RNF220: variants seen among roughly 807,000 people sequenced by gnomAD.
RNF220 encodes ring finger protein 220, also known as E3 ubiquitin-protein ligase RNF220.
A neutral mutation model predicts 67.1 loss-of-function variants in RNF220; 7 were observed. That is an observed-to-expected ratio of 0.10 (90% CI 0.06 to 0.20). RNF220 has a LOEUF of 0.20. Among genes scored for constraint, RNF220 ranks in the 10% least tolerant of loss-of-function variants. The pLI, the probability that RNF220 is intolerant of heterozygous loss-of-function variation, is 1.00. For missense variants in RNF220, 565 were observed against 740.3 expected, an observed-to-expected ratio of 0.76 and a Z score of 2.75; for synonymous variants, 270 against 283.2, an observed-to-expected ratio of 0.95 and a Z score of 0.47.
At chr1:44,439,697 A>G (rs1055367373) in intron 2 of RNF220, among the ~76,000 whole-genome samples, 11 of 152,064 alleles carry the variant, frequency 7.2e-5, no homozygotes, top group Non-Finnish European at 2.9e-5. Flanking sequence ...GGCCACTTCT[A>G]ATGAATCCCT....
chr1:44,632,303 C>G (rs968988007), intron 5 of RNF220, 40 bp from the exon 6 acceptor site: 2 of 1,614,036 alleles, frequency 1.2e-6, no homozygotes, highest in Admixed American at 1.7e-5. Flanking sequence ...GCCTGACGCT[C>G]TCTTTTCTTT....
At chr1:44,483,314 G>T (rs1019249357) in intron 2 of RNF220, among the ~76,000 whole-genome samples, 2 of 152,138 alleles carry the variant, frequency 1.3e-5, no homozygotes, top group Non-Finnish European at 2.9e-5. Context: ...CTTGCTCAAT[G>T]TCAGAAGCCC....
At chr1:44,637,640 A>G (rs1286376485) in intron 8 of RNF220, among the ~76,000 whole-genome samples, 2 of 152,242 alleles carry the variant, frequency 1.3e-5, no homozygotes, top group East Asian at 3.8e-4. Context: ...TAAAGCTGCA[A>G]AGGGCCTGCT....
In RNF220 at chr1:44,626,407, G is replaced by T. The variant is rs913818206; in HGVS notation, c.906+9G>T. ...ATTCAGACAGATACCAGGTGAGGAG[G>T]GGTGGTGAGTGGCCATGAGAAGCAA... On this transcript the variant is annotated intron_variant, in intron 5 of 14. Transcript: ENST00000361799. 1 of 1,610,440 alleles carries T rather than the reference G, an allele frequency of 6.2e-7. No individual in the cohort carries two copies. Among genetic ancestry groups the T allele is most frequent in the African/African-American group, 1.3e-5 (1 of 74,944 alleles).
Position 44,527,925 on chromosome 1 carries a change from C to CAAAAAAAAAAAAAAAAAAAAA in RNF220, c.626-86234_626-86214dup, listed in dbSNP as rs56409207. 1.8e-4 allele frequency among the ~76,000 whole-genome samples: 10 copies of CAAAAAAAAAAAAAAAAAAAAA among 56,206 alleles called. 3 individuals carry two copies. Among genetic ancestry groups the CAAAAAAAAAAAAAAAAAAAAA allele is most frequent in the African/African-American group, 3.1e-4 (3 of 9,834 alleles). The allele number at this position is 56,206 out of a possible 152,430, so 36.9% of individuals were successfully genotyped here. On this transcript the variant is annotated intron_variant, in intron 2 of 14. Coordinates refer to ENST00000361799, the MANE Select transcript of RNF220 (RefSeq NM_018150.4). ...TGGGTGACAGAGCAAGACTCCATCC[C>CAAAAAAAAAAAAAAAAAAAAA]AAAAAAAAAAAAAAAAAAAAAAAAA...
intron 2 of RNF220, among the ~76,000 whole-genome samples, chr1:44,569,157 TCTCC>T (rs1433589897): frequency 3.1e-4 from 47 of 152,238 alleles, no homozygotes; most frequent in Non-Finnish European, 6.5e-4. Context: ...AAATGCACTG[TCTCC>T]CCAAGGGAGA....
At chr1:44,442,929 C>A (rs1651713887) in intron 2 of RNF220, among the ~76,000 whole-genome samples, 1 of 152,156 alleles carries the variant, frequency 6.6e-6, no homozygotes, top group South Asian at 2.1e-4. Context: ...AAGTTAGGAA[C>A]CCTCCCTGTT....
At chr1:44,409,269 A>G (rs925097509) in intron 1 of RNF220, among the ~76,000 whole-genome samples, 1 of 149,982 alleles carries the variant, frequency 6.7e-6, no homozygotes, top group Non-Finnish European at 1.5e-5. Flanking sequence ...TTAACTCAAT[A>G]TTTGTTGGTC....
chr1:44,645,636 C>T lies in RNF220; in HGVS notation c.1445+148C>T. ...CCTGGGCACACGGCCGGCAGTGGAG[C>T]CCAGCTGGTGCTAAGCGTGACTCTG... On this transcript the variant is annotated intron_variant, in intron 12 of 14. Coordinates refer to ENST00000361799, the MANE Select transcript of RNF220 (RefSeq NM_018150.4). This position sits in a 1 kb window ranked among gnomAD's most constrained non-coding sequence, Gnocchi z 5.0. 2 of 747,496 alleles carry T rather than the reference C, an allele frequency of 2.7e-6. No homozygotes were observed. The highest frequency in any genetic ancestry group is 4.5e-6 in the Non-Finnish European group (2 of 447,714). 46.3% of individuals were successfully genotyped at this position (747,496 alleles called of 1,614,324 possible). A position where few individuals can be genotyped will look rare whatever the true frequency, so the allele number is the denominator to read the frequency against.
chr1:44,472,770 T>A (rs944790774), intron 2 of RNF220, among the ~76,000 whole-genome samples: 3 of 152,192 alleles, frequency 2.0e-5, no homozygotes, highest in Non-Finnish European at 4.4e-5. Flanking sequence ...TGCTTTTGTT[T>A]CCTTTTTTTG....
chr1:44,610,104 G>A (rs1415252954), intron 2 of RNF220, among the ~76,000 whole-genome samples: 1 of 152,182 alleles, frequency 6.6e-6, no homozygotes, highest in Non-Finnish European at 1.5e-5. Flanking sequence ...AGGGAGGTGA[G>A]GTAATGAATG....
intron 2 of RNF220, among the ~76,000 whole-genome samples, chr1:44,448,217 C>T (rs369463678): frequency 5.3e-5 from 8 of 152,160 alleles, no homozygotes; most frequent in African/African-American, 1.7e-4. Flanking sequence ...GAGAATCGCT[C>T]GAACCTGCGA....
intron 2 of RNF220, among the ~76,000 whole-genome samples, chr1:44,420,666 G>A (rs1649110147): frequency 6.6e-6 from 1 of 152,148 alleles, no homozygotes; most frequent in African/African-American, 2.4e-5. Context: ...TATGAGTTTG[G>A]CCTCTGGAGT....
At chr1:44,644,653 GCCTCGTCTTGTCCCCAGGC>G in intron 8 of RNF220, 26 bp from the exon 9 acceptor site, 1 of 1,525,762 alleles carries the variant, frequency 6.6e-7, no homozygotes, top group Admixed American at 1.7e-5. Context: ...GGCACCCTTG[GCCTCGTCTTGTCCCCAGGC>G]CCTCCTCACA....
Position 44,645,741 on chromosome 1 carries a change from G to A in RNF220, c.1445+253G>A, listed in dbSNP as rs879872901. Reference sequence around the variant, plus strand: ...CACCCGCCTGCCTGCCTGCCTGCCCGCCTGCTGCGGCGGCCTTCGCCCGGG... The same window carrying A: ...CACCCGCCTGCCTGCCTGCCTGCCCACCTGCTGCGGCGGCCTTCGCCCGGG... On this transcript the variant is annotated intron_variant, in intron 12 of 14. Coordinates refer to ENST00000361799, the MANE Select transcript of RNF220 (RefSeq NM_018150.4). This position sits in a 1 kb window ranked among gnomAD's most constrained non-coding sequence, Gnocchi z 5.0. Among the ~76,000 whole-genome samples the A allele has an allele frequency of 5.9e-5, 9 of 152,372 alleles. No individual in the cohort carries two copies. The highest frequency in any genetic ancestry group is 8.8e-5 in the Non-Finnish European group (6 of 68,038).
At chr1:44,634,159 G>C (rs939176143) in intron 6 of RNF220, among the ~76,000 whole-genome samples, 3 of 152,226 alleles carry the variant, frequency 2.0e-5, no homozygotes, top group Non-Finnish European at 4.4e-5. Context: ...GCAGGAGCTG[G>C]AGCCCTAGCA....
At position 44,606,394 on chromosome 1, in the gene RNF220, T is replaced by C. The variant is rs570728206; in HGVS notation, c.626-7771T>C. 2.0e-5 allele frequency among the ~76,000 whole-genome samples: 3 copies of C among 152,332 alleles called. No homozygotes were observed. Among genetic ancestry groups the C allele is most frequent in the Admixed American group, 1.3e-4 (2 of 15,308 alleles). The stretch of plus-strand genomic sequence containing the variant: ...AGTTTTAAGAGAAGGAGGAAGGGAC[T>C]GAGTGAGGGGAGAGTGGATGAGTAA... On this transcript the variant is annotated intron_variant, in intron 2 of 14. Coordinates refer to ENST00000361799, the MANE Select transcript of RNF220 (RefSeq NM_018150.4). The surrounding 1 kb of genome is among the most constrained non-coding windows in gnomAD (Gnocchi z 4.2).
intron 8 of RNF220, among the ~76,000 whole-genome samples, chr1:44,637,743 G>T (rs1023342864): frequency 1.3e-5 from 2 of 152,262 alleles, no homozygotes; most frequent in Non-Finnish European, 2.9e-5. Flanking sequence ...TTTTCCCTGA[G>T]TGTTTACACT....
At chr1:44,524,120 G>A (rs896094245) in intron 2 of RNF220, among the ~76,000 whole-genome samples, 1 of 151,964 alleles carries the variant, frequency 6.6e-6, no homozygotes, top group African/African-American at 2.4e-5. Flanking sequence ...ATGCTGGAGG[G>A]GGGCAAAGGG....
Sources: gnomAD v4.1 joint callset for allele counts (sites outside exome capture counted in the v4.1 genomes callset) on GRCh38, gnomAD v4.1.1 for gene constraint, Gnocchi (gnomAD v3.1) non-coding constraint, MANE v1.5 for transcripts, NCBI Gene and HGNC (gene_info 2026-07-23, HGNC 2026-07-21) for gene names.